Variants in EIF5B observed in about 807,000 individuals in gnomAD.
EIF5B encodes the protein eukaryotic translation initiation factor 5B, also known as eIF-5B.
Under a neutral mutation model 147.5 loss-of-function variants are expected in EIF5B, and 47 were observed. The ratio of observed to expected loss-of-function variants is 0.32; its 90% CI spans 0.25 to 0.41. The LOEUF (loss-of-function observed/expected upper bound fraction) is 0.41, where lower values mean the gene tolerates loss of function less well. Ranked by LOEUF, EIF5B falls within the 10% of genes least tolerant of loss-of-function variation. The probability of loss-of-function intolerance (pLI) is 1.00; values close to 1 mark genes in which losing one functional copy is unlikely to be tolerated. For missense variants in EIF5B, 1,064 were observed against 1,413.2 expected, an observed-to-expected ratio of 0.75 and a Z score of 3.96; for synonymous variants, 455 against 456.2, an observed-to-expected ratio of 1.00 and a Z score of 0.03.
At chr2:99,349,152 C>A (rs2094279017) in intron 1 of EIF5B, among the ~76,000 whole-genome samples, 1 of 152,208 alleles carries the variant, frequency 6.6e-6, no homozygotes, top group African/African-American at 2.4e-5. Context: ...AGCAAGCAGT[C>A]ATACAACTCC....
At chr2:99,343,764 A>G (rs906367681) in intron 1 of EIF5B, among the ~76,000 whole-genome samples, 30 of 151,698 alleles carry the variant, frequency 2.0e-4, no homozygotes, top group Admixed American at 1.9e-3. Flanking sequence ...CAGTGAGCCA[A>G]GATTGCACCA....
rs771433047 is a variant in EIF5B at position 99,379,028 on chromosome 2, C to T, written c.1852C>T (p.Leu618Phe). 2 of 1,546,642 alleles carry T rather than the reference C, an allele frequency of 1.3e-6. No homozygotes were observed. Among genetic ancestry groups the T allele is most frequent in the East Asian group, 4.6e-5 (2 of 43,638 alleles). Reference sequence around the variant, plus strand: ...TTTTTTTTATTTCTAGAAACGGCGACTTGAACATAGTAAAAATGTAAACAC... The same window carrying T: ...TTTTTTTTATTTCTAGAAACGGCGATTTGAACATAGTAAAAATGTAAACAC... ...KAKRRIEKRR[L>F]EHSKNVNTEK... The change falls in exon 11 of 24, where the codon CTT (leucine) becomes TTT (phenylalanine). Residue 618 changes from leucine to phenylalanine, a missense_variant. This residue lies in a region of EIF5B where 195 missense variants were observed against 186.3 expected (regional missense o/e 1.05). Coordinates refer to ENST00000289371, the MANE Select transcript of EIF5B (RefSeq NM_015904.4).
chr2:99,391,493 G>A (rs990683022), intron 17 of EIF5B, among the ~76,000 whole-genome samples: 1 of 152,188 alleles, frequency 6.6e-6, no homozygotes, highest in African/African-American at 2.4e-5. Flanking sequence ...ACCAGATGGA[G>A]AATCAGAACG....
rs1405865903 is a variant in EIF5B, at chr2:99,361,551, A to G, written c.650A>G (p.Glu217Gly). ...KPGPNIESGN[E>G]DDDASFKIKT... Reference sequence around the variant, plus strand: ...GGTCCTAACATAGAAAGTGGGAATGAAGATGATGACGCCTCCTTCAAAATT... The same window carrying G: ...GGTCCTAACATAGAAAGTGGGAATGGAGATGATGACGCCTCCTTCAAAATT... Residue 217 changes from glutamate (E) to glycine (G), a missense_variant, in exon 4 of 24, where the codon GAA (glutamate) becomes GGA (glycine). Physicochemically the swap from Glu to Gly is moderately conservative, Grantham distance 98 (BLOSUM62 -2). This residue lies in a region of EIF5B where 458 missense variants were observed against 451.3 expected (regional missense o/e 1.01). Coordinates refer to ENST00000289371, the MANE Select transcript of EIF5B (RefSeq NM_015904.4). 6.2e-7 allele frequency: 1 copy of G among 1,613,808 alleles called. No homozygotes were observed. The highest frequency in any genetic ancestry group is 8.5e-7 in the Non-Finnish European group (1 of 1,179,952).
intron 1 of EIF5B, among the ~76,000 whole-genome samples, chr2:99,354,506 A>G (rs370296804): frequency 3.3e-5 from 5 of 152,154 alleles, no homozygotes. Flanking sequence ...ATAGTCTTTC[A>G]CAGCAAAAGT....
chr2:99,379,697 T>G lies in EIF5B; in HGVS notation c.2061+269T>G, dbSNP rs184944059. 2.0e-5 allele frequency among the ~76,000 whole-genome samples: 3 copies of G among 152,298 alleles called. No homozygotes were observed. The East Asian group carries it at 5.8e-4, about 29-fold the overall frequency. ...ACAGTTAGTCATTTGCCTCCATGCT[T>G]TAACACTGATACCATTTATCCCCAT... On this transcript the variant is annotated intron_variant, in intron 12 of 23. Coordinates refer to ENST00000289371, the MANE Select transcript of EIF5B (RefSeq NM_015904.4).
At chr2:99,351,591 G>C (rs1231478465) in intron 1 of EIF5B, among the ~76,000 whole-genome samples, 1 of 152,104 alleles carries the variant, frequency 6.6e-6, no homozygotes, top group African/African-American at 2.4e-5. Context: ...AGGGATGTAT[G>C]TGCTCCAGTT....
chr2:99,359,694 A>T (rs543493532), intron 1 of EIF5B, among the ~76,000 whole-genome samples: 16 of 152,328 alleles, frequency 1.1e-4, no homozygotes, highest in African/African-American at 3.8e-4. Flanking sequence ...ATTCATTTAG[A>T]TTTGAATGTG....
rs751828370 is a variant in EIF5B, at chr2:99,390,557, C to T, written c.2600C>T (p.Pro867Leu). 1.4e-5 allele frequency: 22 copies of T among 1,606,752 alleles called. No homozygotes were observed. Among genetic ancestry groups the T allele is most frequent in the Admixed American group, 8.4e-5 (5 of 59,826 alleles). The part of the protein sequence containing the change: ...RAQVMEVKAL[P>L]GMGTTIDVIL... ...AATGCCTTTTAGGTTAAAGCTCTCC[C>T]GGGGATGGGCACCACTATAGATGTC... The change falls in exon 17 of 24, where the codon CCG becomes CTG. Residue 867 changes from proline (P) to leucine (L), a missense_variant. Physicochemically the swap from Pro to Leu is moderately conservative, Grantham distance 98. Coordinates refer to ENST00000289371, the MANE Select transcript of EIF5B (RefSeq NM_015904.4).
chr2:99,381,254 G>A (rs549763354), intron 12 of EIF5B, among the ~76,000 whole-genome samples: 31 of 152,156 alleles, frequency 2.0e-4, no homozygotes, highest in African/African-American at 6.5e-4. Flanking sequence ...TTGAACTCTC[G>A]TTGTTATTTT....
At chr2:99,375,406 TA>T (rs978438263) in intron 9 of EIF5B, among the ~76,000 whole-genome samples, 4 of 152,242 alleles carry the variant, frequency 2.6e-5, no homozygotes, top group African/African-American at 9.6e-5. Flanking sequence ...GATCTGCCAA[TA>T]ATGGGGAGAT....
chr2:99,387,326 A>T (rs1469903041), intron 14 of EIF5B, among the ~76,000 whole-genome samples: 2 of 152,090 alleles, frequency 1.3e-5, no homozygotes, highest in East Asian at 3.9e-4. Flanking sequence ...TTACATTGAG[A>T]TCAGTGATCT....
In EIF5B at chr2:99,363,852, G is replaced by A. The variant is rs758896433; in HGVS notation, c.1127G>A (p.Arg376His). ...CGGCTTGAAGAATTAGAAGCCAAGC[G>A]TAAAGAAGAGGTATGTTTTCATGAA... ...IKRLEELEAK[R>H]KEEERLEQEK... The change falls in exon 5 of 24, where the codon CGT becomes CAT. Residue 376 changes from arginine to histidine, a missense_variant. This residue lies in a region of EIF5B where 458 missense variants were observed against 451.3 expected (regional missense o/e 1.01). Coordinates refer to ENST00000289371, the MANE Select transcript of EIF5B (RefSeq NM_015904.4). 128 of 1,605,264 alleles carry A rather than the reference G, an allele frequency of 8.0e-5. No individual in the cohort carries two copies. Among genetic ancestry groups the A allele is most frequent in the South Asian group, 2.6e-4 (23 of 88,480 alleles).
chr2:99,362,487 T>A (rs62155769), intron 4 of EIF5B, among the ~76,000 whole-genome samples: 33,808 of 151,852 alleles, frequency 0.22, 4,243 homozygotes, highest in Admixed American at 0.31. Flanking sequence ...GATCACGAGG[T>A]CAGGAGATAT....
rs182621455 is a variant in EIF5B at position 99,348,076 on chromosome 2, G to A, written c.35+10487G>A. ...GGAATCTATAATACATATGAACTTA[G>A]GGTATGTGTATCGGGGGCGTCTACA... On this transcript the variant is annotated intron_variant, in intron 1 of 23. Transcript: ENST00000289371. 1.8e-3 allele frequency among the ~76,000 whole-genome samples: 278 copies of A among 152,164 alleles called. 3 individuals are homozygous for A. Among genetic ancestry groups the A allele is most frequent in the Non-Finnish European group, 1.5e-4 (10 of 68,024 alleles).
intron 6 of EIF5B, among the ~76,000 whole-genome samples, chr2:99,367,965 C>T (rs969809582): frequency 6.6e-6 from 1 of 152,190 alleles, no homozygotes; most frequent in Non-Finnish European, 1.5e-5. Flanking sequence ...CCAGAAACAA[C>T]TCAAATGTCC....
intron 1 of EIF5B, among the ~76,000 whole-genome samples, chr2:99,339,422 C>G (rs950380002): frequency 6.6e-6 from 1 of 152,034 alleles, no homozygotes. Context: ...AGCAAATATT[C>G]AGTCAGTTTG....
chr2:99,383,788 CA>C (rs1368564358), intron 14 of EIF5B, among the ~76,000 whole-genome samples: 3 of 152,146 alleles, frequency 2.0e-5, no homozygotes, highest in African/African-American at 7.2e-5. Context: ...CTTCTATTGG[CA>C]AAAGATGCCA....
At chr2:99,399,168 A>G in intron 23 of EIF5B, 139 bp from the exon 24 acceptor site, 1 of 845,954 alleles carries the variant, frequency 1.2e-6, no homozygotes. Flanking sequence ...TTGGAATTCT[A>G]CTCCCTTAGG....
Sources: allele counts gnomAD v4.1 joint callset (sites outside exome capture counted in the v4.1 genomes callset), GRCh38; gene constraint gnomAD v4.1.1; regional missense constraint gnomAD v4.1.1; transcripts MANE v1.5; gene names NCBI Gene and HGNC (gene_info 2026-07-23, HGNC 2026-07-21).